The following RBBP6 variants were observed in gnomAD, a reference collection of about 807,000 sequenced individuals.
The protein encoded by RBBP6 is RB binding protein 6, ubiquitin ligase, also known as E3 ubiquitin-protein ligase RBBP6.
A neutral mutation model predicts 167.7 loss-of-function variants in RBBP6; 25 were observed. The ratio of observed to expected loss-of-function variants is 0.15; its 90% CI spans 0.11 to 0.21. The LOEUF is 0.21. Among genes scored for constraint, RBBP6 ranks in the 10% least tolerant of loss-of-function variants. The pLI, the probability that RBBP6 is intolerant of heterozygous loss-of-function variation, is 1.00. For synonymous variants in RBBP6, 789 were observed against 735.8 expected (o/e 1.07, Z -1.17); for missense variants, 1,868 against 2,134.2 (o/e 0.88, Z 2.46).
chr16:24,561,588 T>C, intron 8 of RBBP6, 24 bp from the exon 9 acceptor site: 1 of 1,574,834 alleles, frequency 6.3e-7, no homozygotes, highest in Non-Finnish European at 8.7e-7. Context: ...ATGCTTTTAT[T>C]AATATTTGAA....
Position 24,567,878 on chromosome 16 carries a change from G to T in RBBP6, c.2039G>T (p.Arg680Met). The T allele has an allele frequency of 6.2e-7, 1 of 1,611,150 alleles. No homozygotes were observed. The highest frequency in any genetic ancestry group is 8.5e-7 in the Non-Finnish European group (1 of 1,178,348). ...MEYKKIQKER[R>M]RSFSRSKSPY... is the part of the protein sequence containing the mutation. Reference sequence around the variant, plus strand: ...TACAAAAAGATTCAAAAGGAGCGTAGGCGCTCATTTTCCAGGTTAGTGTTT... The same window carrying T: ...TACAAAAAGATTCAAAAGGAGCGTATGCGCTCATTTTCCAGGTTAGTGTTT... Residue 680 changes from arginine (R) to methionine (M), a missense_variant, in exon 16 of 18, where the codon AGG becomes ATG. Arg to Met is a moderately conservative substitution (Grantham distance 91). This residue lies in a region of RBBP6 where 145 missense variants were observed against 224.3 expected (regional missense o/e 0.65). Coordinates refer to ENST00000319715, the MANE Select transcript of RBBP6 (RefSeq NM_006910.5).
intron 2 of RBBP6, among the ~76,000 whole-genome samples, chr16:24,548,368 A>G (rs1035995138): frequency 6.7e-6 from 1 of 148,940 alleles, no homozygotes; most frequent in Non-Finnish European, 1.5e-5. Context: ...GTTACAGCCC[A>G]GGTTAGTCTC....
chr16:24,567,025 AGTTG>A (rs1328685518), intron 14 of RBBP6, 114 bp from the exon 15 acceptor site: 2 of 1,035,442 alleles, frequency 1.9e-6, no homozygotes, highest in Non-Finnish European at 1.4e-6. Context: ...CTAGTTGAAT[AGTTG>A]GTTCTATTCC....
chr16:24,568,588 A>G (rs568598620), intron 16 of RBBP6, among the ~76,000 whole-genome samples, 157 bp from the exon 17 acceptor site: 1 of 152,338 alleles, frequency 6.6e-6, no homozygotes, highest in East Asian at 1.9e-4. Context: ...ACTTTATTCC[A>G]TTCCAGTAGA....
In RBBP6 at chr16:24,563,314, T is replaced by C. The variant is rs1199690625; in HGVS notation, c.1386+19T>C. On this transcript the variant is annotated intron_variant, in intron 11 of 17. Transcript: ENST00000319715. The stretch of plus-strand genomic sequence containing the variant: ...AGAGAAGGTAAATTTTACTGGTGCT[T>C]TAATTTGGGATTTTTTTTACAGCAG... 6.3e-7 allele frequency: 1 copy of C among 1,587,184 alleles called. No homozygotes were observed. Among genetic ancestry groups the C allele is most frequent in the Non-Finnish European group, 8.6e-7 (1 of 1,165,928 alleles).
At chr16:24,548,046 C>G (rs922110087) in intron 2 of RBBP6, among the ~76,000 whole-genome samples, 5 of 150,284 alleles carry the variant, frequency 3.3e-5, no homozygotes, top group Admixed American at 2.6e-4. Context: ...TTTTTTTTAT[C>G]TCAAATTCCA....
At position 24,562,083 on chromosome 16, in the gene RBBP6, C is replaced by G; in HGVS notation, c.1211C>G (p.Ser404Cys). The G allele has an allele frequency of 1.2e-6, 2 of 1,613,502 alleles. No homozygotes were observed. Among genetic ancestry groups the G allele is most frequent in the South Asian group, 1.1e-5 (1 of 91,080 alleles). Residue 404 changes from serine to cysteine, a missense_variant, in exon 10 of 18, where the codon TCT becomes TGT. Transcript: ENST00000319715. ...LAPPVSGNPS[S>C]APAPVPDITA... The stretch of plus-strand genomic sequence containing the variant: ...CCTCCTGTGTCTGGAAATCCGTCTT[C>G]TGCTCCAGCTCCTGTACCTGATATA...
At chr16:24,540,883 C>G in intron 1 of RBBP6, 91 bp downstream of exon 1, 2 of 1,437,302 alleles carry the variant, frequency 1.4e-6, no homozygotes, top group East Asian at 2.3e-5. Flanking sequence ...CATTATGTCT[C>G]TAGTGGGGAC....
chr16:24,561,176 T>A (rs1174902961), intron 8 of RBBP6, among the ~76,000 whole-genome samples: 2 of 152,172 alleles, frequency 1.3e-5, no homozygotes, highest in Non-Finnish European at 2.9e-5. Context: ...TTTTGTTTTC[T>A]ACAATATTCC....
At position 24,553,546 on chromosome 16, in the gene RBBP6, C is replaced by G. The variant is rs777001701; in HGVS notation, c.337C>G (p.Gln113Glu). The G allele has an allele frequency of 6.3e-7, 1 of 1,592,810 alleles. No homozygotes were observed. The highest frequency in any genetic ancestry group is 8.5e-7 in the Non-Finnish European group (1 of 1,172,762). The change falls in exon 4 of 18, where the codon CAG (glutamine) becomes GAG (glutamate). Residue 113 changes from glutamine (Q) to glutamate (E), a missense_variant. Transcript: ENST00000319715. Reference protein sequence around the residue: ...DDSSASISLAQLTKTANLAEA... With the variant: ...DDSSASISLAELTKTANLAEA... ...CTCTTCCGCGTCTATTTCTCTGGCC[C>G]AGCTTACAAAGGTATATATATATAT...
rs1363978721 is a variant in RBBP6, at chr16:24,540,728, G to A, written c.102G>A (p.Met34Ile). 6.2e-7 allele frequency: 1 copy of A among 1,614,110 alleles called. No homozygotes were observed. ...ISLCDLKKQI[M>I]GREKLKAADC... is the part of the protein sequence containing the mutation. Reference sequence around the variant, plus strand: ...TCTGCGACTTAAAGAAGCAGATTATGGGGAGAGAGAAGCTGAAAGCTGCCG... The same window carrying A: ...TCTGCGACTTAAAGAAGCAGATTATAGGGAGAGAGAAGCTGAAAGCTGCCG... The change falls in exon 1 of 18, where the codon ATG becomes ATA. Residue 34 changes from methionine to isoleucine, a missense_variant. By Grantham distance (10) the Met-to-Ile change is conservative (BLOSUM62 1). Transcript: ENST00000319715.
At chr16:24,565,217 C>G (rs917376018) in intron 14 of RBBP6, among the ~76,000 whole-genome samples, 2 of 152,188 alleles carry the variant, frequency 1.3e-5, no homozygotes, top group African/African-American at 4.8e-5. Flanking sequence ...TTAAAGTTAA[C>G]AAGCTCAGCT....
At position 24,571,120 on chromosome 16, in the gene RBBP6, G is replaced by T. The variant is rs769500922; in HGVS notation, c.4054G>T (p.Val1352Phe). 6.2e-6 allele frequency: 10 copies of T among 1,613,040 alleles called. No homozygotes were observed. In the South Asian group the frequency reaches 1.1e-4, roughly 18 times the overall value. The change falls in exon 18 of 18, where the codon GTT becomes TTT. Residue 1352 changes from valine (V) to phenylalanine (F), a missense_variant. By Grantham distance (50) the Val-to-Phe change is conservative. This residue lies in a region of RBBP6 where 591 missense variants were observed against 540.5 expected (regional missense o/e 1.09). Transcript: ENST00000319715. ...AAAACCTGCTAGTGTTATAAAAAAT[G>T]TTAGTACAAAGCCATCAAATATAGT... The part of the protein sequence containing the change: ...VGKPASVIKN[V>F]STKPSNIVKY...
At chr16:24,563,549 T>G in intron 12 of RBBP6, 48 bp downstream of exon 12, 1 of 1,610,984 alleles carries the variant, frequency 6.2e-7, no homozygotes, top group Non-Finnish European at 8.5e-7. Context: ...TAAAAAATAA[T>G]TTTAGCTTGA....
chr16:24,540,879 G>A, intron 1 of RBBP6, 87 bp downstream of exon 1: 1 of 1,475,774 alleles, frequency 6.8e-7, no homozygotes, highest in Non-Finnish European at 9.1e-7. Context: ...CCGCCATTAT[G>A]TCTCTAGTGG....
chr16:24,570,940 G>A lies in RBBP6; in HGVS notation c.3874G>A (p.Val1292Met). ...AGAAAAAACAGATACAAAGCGAACT[G>A]TGATTAAAACGATGGAAGAATATAA... ...SEEKTDTKRT[V>M]IKTMEEYNND... The change falls in exon 18 of 18, where the codon GTG (valine) becomes ATG (methionine). Residue 1292 changes from valine to methionine, a missense_variant. Transcript: ENST00000319715. 6.2e-7 allele frequency: 1 copy of A among 1,602,534 alleles called. No homozygotes were observed. Among genetic ancestry groups the A allele is most frequent in the Non-Finnish European group, 8.5e-7 (1 of 1,171,334 alleles).
At chr16:24,543,033 G>T (rs1898543681) in intron 1 of RBBP6, among the ~76,000 whole-genome samples, 1 of 152,204 alleles carries the variant, frequency 6.6e-6, no homozygotes, top group South Asian at 2.1e-4. Context: ...AAGAGAGAAA[G>T]AGATATTGAT....
chr16:24,554,451 ATC>A (rs1165350054), intron 4 of RBBP6: 1 of 152,034 alleles, frequency 6.6e-6, no homozygotes, highest in Non-Finnish European at 1.5e-5. Flanking sequence ...TGCTGTCCCT[ATC>A]TTGTTCTTGG....
rs1209272751 is a variant in RBBP6 at position 24,567,372 on chromosome 16, G to C, written c.1819G>C (p.Ala607Pro). ...TGTCCCTCCTCCAGGGTTTCCTCCAGCTCCTGCCAATTTATCAACACCTTG... is the reference window on the plus strand; with the variant it reads ...TGTCCCTCCTCCAGGGTTTCCTCCACCTCCTGCCAATTTATCAACACCTTG... ...YSVPPPGFPP[A>P]PANLSTPWVS... Residue 607 changes from alanine (A) to proline (P), a missense_variant, in exon 15 of 18, where the codon GCT (alanine) becomes CCT (proline). Physicochemically the swap from Ala to Pro is conservative, Grantham distance 27. Coordinates refer to ENST00000319715, the MANE Select transcript of RBBP6 (RefSeq NM_006910.5). The C allele has an allele frequency of 1.2e-6, 2 of 1,614,128 alleles. No homozygotes were observed. The highest frequency in any genetic ancestry group is 1.7e-5 in the Admixed American group (1 of 60,008).
Sources: gnomAD v4.1 joint callset for allele counts (sites outside exome capture counted in the v4.1 genomes callset) on GRCh38, gnomAD v4.1.1 for gene constraint, gnomAD v4.1.1 regional missense constraint, MANE v1.5 for transcripts, NCBI Gene and HGNC (gene_info 2026-07-23, HGNC 2026-07-21) for gene names.